The following TLCD4 variants were observed in gnomAD, a reference collection of about 807,000 sequenced individuals.
The protein encoded by TLCD4 is TLC domain-containing protein 4.
A neutral mutation model predicts 24.2 loss-of-function variants in TLCD4; 7 were observed. The ratio of observed to expected loss-of-function variants is 0.29; its 90% CI spans 0.16 to 0.54. The LOEUF (loss-of-function observed/expected upper bound fraction) is 0.54. Among genes scored for constraint, TLCD4 ranks in the 20% least tolerant of loss-of-function variants. TLCD4 has a pLI of 0.95. For synonymous variants in TLCD4, 103 were observed against 106.4 expected, an observed-to-expected ratio of 0.97 and a Z score of 0.20; for missense variants, 259 against 313.9, an observed-to-expected ratio of 0.82 and a Z score of 1.32.
Position 95,193,215 on chromosome 1 carries a change from G to A in TLCD4, c.*1347G>A, listed in dbSNP as rs911209060. The A allele has an allele frequency of 2.6e-5, 4 of 151,648 alleles. No individual in the cohort carries two copies. Among genetic ancestry groups the A allele is most frequent in the East Asian group, 3.9e-4 (2 of 5,180 alleles). The allele number at this position is 151,648 out of a possible 1,614,324, so 9.4% of individuals were successfully genotyped here. A position where few individuals can be genotyped will look rare whatever the true frequency, so the allele number is the denominator to read the frequency against. Reference sequence around the variant, plus strand: ...TACTTAGTTGGCATTTTAGTGCTTTGAATTTCTATCTTAAAGCACAGAAAA... The same window carrying A: ...TACTTAGTTGGCATTTTAGTGCTTTAAATTTCTATCTTAAAGCACAGAAAA... On this transcript the variant is annotated 3_prime_UTR_variant, in exon 7 of 7. Coordinates refer to ENST00000370203, the MANE Select transcript of TLCD4 (RefSeq NM_152487.3).
intron 1 of TLCD4, among the ~76,000 whole-genome samples, chr1:95,123,956 A>G (rs1403763546): frequency 6.6e-6 from 1 of 152,200 alleles, no homozygotes; most frequent in Non-Finnish European, 1.5e-5. Flanking sequence ...CAACATTTAC[A>G]TATTCTGCTA....
intron 5 of TLCD4, among the ~76,000 whole-genome samples, chr1:95,152,228 T>C (rs1167256318): frequency 6.6e-6 from 1 of 152,098 alleles, no homozygotes; most frequent in Non-Finnish European, 1.5e-5. Flanking sequence ...TCCTATGTTA[T>C]TTACCAATCT....
the TLCD4 span, among the ~76,000 whole-genome samples, chr1:95,099,268 G>GTTAT: frequency 6.6e-6 from 1 of 151,712 alleles, no homozygotes; most frequent in Non-Finnish European, 1.5e-5. Flanking sequence ...TCTCTACTCA[G>GTTAT]AAATGAATCG....
At chr1:95,101,060 A>C in the TLCD4 span, among the ~76,000 whole-genome samples, 1 of 151,930 alleles carries the variant, frequency 6.6e-6, no homozygotes, top group Admixed American at 6.6e-5. Context: ...GGCGCCCGCC[A>C]ATGTGCCCGG....
At chr1:95,140,389 C>T (rs1677164981) in intron 1 of TLCD4, among the ~76,000 whole-genome samples, 1 of 152,132 alleles carries the variant, frequency 6.6e-6, no homozygotes, top group African/African-American at 2.4e-5. Context: ...TATGAGACCA[C>T]CATTGTATAT....
rs555013832 is a variant in TLCD4, at chr1:95,181,931, T to C, written c.473+8042T>C. On this transcript the variant is annotated intron_variant, in intron 6 of 6. Coordinates refer to ENST00000370203, the MANE Select transcript of TLCD4 (RefSeq NM_152487.3). ...ACCGCACCTGGCAGGCCTTCAATCT[T>C]TTACATATGCATAATTTTGATTCAT... 6.6e-5 allele frequency among the ~76,000 whole-genome samples: 10 copies of C among 152,288 alleles called. No homozygotes were observed. The South Asian group carries it at 2.1e-3, about 32-fold the overall frequency.
chr1:95,179,205 AT>A (rs565473393), intron 6 of TLCD4, among the ~76,000 whole-genome samples: 92 of 152,340 alleles, frequency 6.0e-4, no homozygotes, highest in African/African-American at 1.9e-3. Context: ...AACTTTTGGC[AT>A]TTCTAGTGCT....
upstream of TLCD4, among the ~76,000 whole-genome samples, chr1:95,116,516 G>T (rs1676432667): frequency 6.6e-6 from 1 of 152,148 alleles, no homozygotes; most frequent in Non-Finnish European, 1.5e-5. Flanking sequence ...TATTTATTTA[G>T]AACTTACCTC....
At chr1:95,104,663 C>CAAAAAAAAAAAAAA in the TLCD4 span, among the ~76,000 whole-genome samples, 10 of 40,604 alleles carry the variant, frequency 2.5e-4, no homozygotes, top group Non-Finnish European at 4.3e-4. Flanking sequence ...GACTCCGTCT[C>CAAAAAAAAAAAAAA]AAAAAAAAAA....
chr1:95,161,190 T>C (rs904191964), intron 5 of TLCD4, among the ~76,000 whole-genome samples: 3 of 152,218 alleles, frequency 2.0e-5, no homozygotes, highest in African/African-American at 7.2e-5. Context: ...AGCCTGTTAT[T>C]GGTCTATTCA....
the TLCD4 span, among the ~76,000 whole-genome samples, chr1:95,109,247 G>A: frequency 6.6e-6 from 1 of 151,978 alleles, no homozygotes; most frequent in African/African-American, 2.4e-5. Flanking sequence ...AGACTGTTTG[G>A]GCCCAGGAGG....
chr1:95,146,670 CAG>C (rs1430541251), intron 2 of TLCD4, among the ~76,000 whole-genome samples: 1 of 151,966 alleles, frequency 6.6e-6, no homozygotes, highest in African/African-American at 2.4e-5. Context: ...TTTTTATTAA[CAG>C]AAGTTTCTGA....
intron 6 of TLCD4, among the ~76,000 whole-genome samples, chr1:95,184,891 T>C (rs558623552): frequency 5.3e-5 from 8 of 152,196 alleles, no homozygotes; most frequent in African/African-American, 9.7e-5. Context: ...ATGTAAATAT[T>C]ATTTCACCTT....
chr1:95,160,918 G>A (rs1677775420), intron 5 of TLCD4, among the ~76,000 whole-genome samples: 1 of 152,114 alleles, frequency 6.6e-6, no homozygotes, highest in Non-Finnish European at 1.5e-5. Flanking sequence ...ATTTTATTGA[G>A]GATTTTTGCA....
At chr1:95,092,797 C>G in the TLCD4 span, among the ~76,000 whole-genome samples, 1 of 152,244 alleles carries the variant, frequency 6.6e-6, no homozygotes, top group Non-Finnish European at 1.5e-5. Flanking sequence ...CAATTCCAGA[C>G]ACACTACCTT....
intron 6 of TLCD4, among the ~76,000 whole-genome samples, chr1:95,188,110 G>A (rs1260805639): frequency 3.9e-5 from 6 of 152,078 alleles, no homozygotes; most frequent in African/African-American, 1.4e-4. Flanking sequence ...GAATTTAGCC[G>A]GGCGCGGTAG....
At chr1:95,126,895 C>T (rs1203365012) in intron 1 of TLCD4, among the ~76,000 whole-genome samples, 1 of 152,220 alleles carries the variant, frequency 6.6e-6, no homozygotes, top group East Asian at 1.9e-4. Context: ...CCCAGGTTCA[C>T]AGGGCAGAGA....
intron 5 of TLCD4, chr1:95,163,534 G>T (rs1320721253): frequency 6.6e-6 from 1 of 152,162 alleles, no homozygotes. Context: ...GTCCAGCTTT[G>T]TTCTGCTGCT....
At chr1:95,134,248 G>A (rs964277046) in intron 1 of TLCD4, among the ~76,000 whole-genome samples, 3 of 152,150 alleles carry the variant, frequency 2.0e-5, no homozygotes, top group East Asian at 1.9e-4. Context: ...AGGGCTTGAC[G>A]ACATCAGTGA....
Sources: allele counts gnomAD v4.1 joint callset (sites outside exome capture counted in the v4.1 genomes callset), GRCh38; gene constraint gnomAD v4.1.1; transcripts MANE v1.5; gene names NCBI Gene and HGNC (gene_info 2026-07-23, HGNC 2026-07-21).